CDH13: variants seen among roughly 807,000 people sequenced by gnomAD.
CDH13 encodes the protein cadherin 13.
Under a neutral mutation model 63.8 loss-of-function variants are expected in CDH13, and 24 were observed. The observed-to-expected ratio is 0.38, with a 90% CI of 0.27 to 0.53. The LOEUF is 0.53. Ranked by LOEUF, CDH13 falls within the 20% of genes least tolerant of loss-of-function variation. The pLI, the probability that CDH13 is intolerant of heterozygous loss-of-function variation, is 0.85. For synonymous variants in CDH13, 503 were observed against 355.3 expected, an observed-to-expected ratio of 1.42 and a Z score of -4.67; for missense variants, 1,049 against 903.1, an observed-to-expected ratio of 1.16 and a Z score of -2.07.
intron 1 of CDH13, among the ~76,000 whole-genome samples, chr16:82,703,604 C>T (rs185754712): frequency 1.3e-3 from 202 of 152,262 alleles, no homozygotes; most frequent in Non-Finnish European, 2.2e-3. Context: ...CTCCTGGAAC[C>T]ACCTCCTAAA....
In CDH13 at chr16:83,765,565, A is replaced by AAGAG. The variant is rs34269880; in HGVS notation, c.1682-14385_1682-14382dup. Among the ~76,000 whole-genome samples, 697 of 149,160 alleles carry AAGAG rather than the reference A, an allele frequency of 4.7e-3. 5 individuals carry two copies. Among genetic ancestry groups the AAGAG allele is most frequent in the African/African-American group, 0.012 (498 of 40,680 alleles). On this transcript the variant is annotated intron_variant, in intron 11 of 13. Coordinates refer to ENST00000567109, the MANE Select transcript of CDH13 (RefSeq NM_001257.5). The stretch of plus-strand genomic sequence containing the variant: ...ATATATATATATATACACACACACA[A>AAGAG]AGAGAGAGAGAGAGAGAGAGATTTC...
At chr16:82,730,855 AT>A (rs756976145) in intron 1 of CDH13, among the ~76,000 whole-genome samples, 13 of 152,212 alleles carry the variant, frequency 8.5e-5, no homozygotes, top group Non-Finnish European at 1.8e-4. Flanking sequence ...AATTTTTCAA[AT>A]GTTTTGTTAA....
chr16:83,471,448 G>A (rs1184152800), intron 6 of CDH13, among the ~76,000 whole-genome samples: 1 of 151,970 alleles, frequency 6.6e-6, no homozygotes, highest in Non-Finnish European at 1.5e-5. Context: ...CTAATTTTTT[G>A]TATTTTTAGT....
chr16:83,236,690 G>A (rs540156715), intron 5 of CDH13, among the ~76,000 whole-genome samples: 81 of 151,904 alleles, frequency 5.3e-4, no homozygotes, highest in Admixed American at 1.4e-3. Context: ...TAAAATATAA[G>A]GGAGTCCAGT....
rs1401390930 is a variant in CDH13 at position 82,644,548 on chromosome 16, A to C, written c.45+17411A>C. Among the ~76,000 whole-genome samples the C allele has an allele frequency of 6.6e-6, 1 of 152,198 alleles. No individual in the cohort carries two copies. The highest frequency in any genetic ancestry group is 1.5e-5 in the Non-Finnish European group (1 of 68,034). ...TAGAGCTGGTCCCCAGACCAGGCCC[A>C]GTGCACGAGTTTGGGTGCTGGAAGG... On this transcript the variant is annotated intron_variant, in intron 1 of 13. Coordinates refer to ENST00000567109, the MANE Select transcript of CDH13 (RefSeq NM_001257.5). The surrounding 1 kb of genome is among the most constrained non-coding windows in gnomAD (Gnocchi z 5.7).
At chr16:82,712,435 C>G (rs2032020225) in intron 1 of CDH13, among the ~76,000 whole-genome samples, 1 of 152,126 alleles carries the variant, frequency 6.6e-6, no homozygotes, top group Non-Finnish European at 1.5e-5. Context: ...GGCATAATAT[C>G]AGCACCTTGC....
intron 6 of CDH13, among the ~76,000 whole-genome samples, chr16:83,353,311 A>T (rs534834641): frequency 1.3e-5 from 2 of 152,352 alleles, no homozygotes; most frequent in Admixed American, 6.5e-5. Context: ...CAGAACCAAG[A>T]CAGTCGGCTC....
chr16:82,823,166 A>G (rs1271682403), intron 1 of CDH13: 1 of 152,206 alleles, frequency 6.6e-6, no homozygotes, highest in African/African-American at 2.4e-5. Context: ...TTAGTGTCAG[A>G]AGGCACACAG....
chr16:82,651,494 T>C (rs1465655295), intron 1 of CDH13, among the ~76,000 whole-genome samples: 1 of 152,224 alleles, frequency 6.6e-6, no homozygotes, highest in Non-Finnish European at 1.5e-5. Context: ...TGACTCCATA[T>C]TACTTTGATT....
At chr16:83,162,636 G>A (rs750240238) in intron 4 of CDH13, among the ~76,000 whole-genome samples, 15 of 152,030 alleles carry the variant, frequency 9.9e-5, no homozygotes, top group Admixed American at 2.0e-4. Context: ...TCAAATTTCA[G>A]GTTGCCTAAA....
chr16:83,582,267 A>G (rs1010967400), intron 7 of CDH13, among the ~76,000 whole-genome samples: 9 of 151,982 alleles, frequency 5.9e-5, no homozygotes, highest in African/African-American at 1.7e-4. Flanking sequence ...GGGTTACACA[A>G]CACTTGGCTT....
At chr16:83,694,504 C>T (rs890229956) in intron 10 of CDH13, among the ~76,000 whole-genome samples, 2 of 152,210 alleles carry the variant, frequency 1.3e-5, no homozygotes, top group African/African-American at 2.4e-5. Context: ...CCACAGTGCT[C>T]GTGATGACCT....
intron 2 of CDH13, among the ~76,000 whole-genome samples, chr16:82,959,780 GGTT>G (rs1567696000): frequency 2.6e-5 from 4 of 152,208 alleles, no homozygotes; most frequent in Admixed American, 6.5e-5. Flanking sequence ...TGTACCACAC[GGTT>G]GTTGTTGTTT....
intron 1 of CDH13, among the ~76,000 whole-genome samples, chr16:82,700,558 T>C (rs768317913): frequency 1.1e-4 from 17 of 152,044 alleles, no homozygotes; most frequent in Non-Finnish European, 2.2e-4. Context: ...TGTGTGTCTT[T>C]CTATGTGTAA....
At chr16:82,941,516 C>G (rs1485244794) in intron 2 of CDH13, among the ~76,000 whole-genome samples, 1 of 152,232 alleles carries the variant, frequency 6.6e-6, no homozygotes, top group African/African-American at 2.4e-5. Flanking sequence ...AATAGCCCTT[C>G]CCTTTCCTTT....
chr16:83,566,530 TCCACTCTCTC>T (rs1209452277), intron 7 of CDH13, among the ~76,000 whole-genome samples: 1 of 152,102 alleles, frequency 6.6e-6, no homozygotes, highest in Non-Finnish European at 1.5e-5. Context: ...TTCTCCCTCT[TCCACTCTCTC>T]CATCCAGGTG....
chr16:83,026,134 G>T (rs1181033136), intron 2 of CDH13, among the ~76,000 whole-genome samples: 2 of 152,204 alleles, frequency 1.3e-5, no homozygotes, highest in Non-Finnish European at 2.9e-5. Flanking sequence ...CCGGTGATGT[G>T]CCAGGTCCTG....
intron 2 of CDH13, among the ~76,000 whole-genome samples, chr16:82,999,628 A>G (rs1027060003): frequency 2.0e-5 from 3 of 152,210 alleles, no homozygotes; most frequent in African/African-American, 7.2e-5. Context: ...AATTGATATC[A>G]TTGGCTACAT....
chr16:83,334,640 T>G (rs1343953902), intron 5 of CDH13, among the ~76,000 whole-genome samples: 2 of 151,998 alleles, frequency 1.3e-5, no homozygotes, highest in Non-Finnish European at 2.9e-5. Flanking sequence ...CCCTCCAAAG[T>G]GCTGAGATTA....
Sources: allele counts gnomAD v4.1 joint callset (sites outside exome capture counted in the v4.1 genomes callset), GRCh38; gene constraint gnomAD v4.1.1; non-coding constraint Gnocchi (gnomAD v3.1); transcripts MANE v1.5; gene names NCBI Gene and HGNC (gene_info 2026-07-23, HGNC 2026-07-21).